Variants in CCDC170 observed in about 807,000 individuals in gnomAD.
CCDC170 encodes the protein coiled-coil domain containing 170.
Under a neutral mutation model 72.6 loss-of-function variants are expected in CCDC170, and 69 were observed. The ratio of observed to expected loss-of-function variants is 0.95; its 90% CI spans 0.78 to 1.16. The LOEUF (loss-of-function observed/expected upper bound fraction) is 1.16, where lower values mean the gene tolerates loss of function less well. CCDC170 is among the 50% of genes most tolerant of loss of function. The pLI is 0.00. For missense variants in CCDC170, 852 were observed against 832.5 expected, an observed-to-expected ratio of 1.02 and a Z score of -0.29; for synonymous variants, 300 against 303.9, an observed-to-expected ratio of 0.99 and a Z score of 0.13.
intron 1 of CCDC170, among the ~76,000 whole-genome samples, chr6:151,495,047 C>T (rs1003930516): frequency 2.0e-5 from 3 of 152,194 alleles, no homozygotes; most frequent in African/African-American, 4.8e-5. Context: ...AAGTTTTGGA[C>T]TTTTCCTACC....
At chr6:151,605,276 A>C (rs890331789) in intron 9 of CCDC170, among the ~76,000 whole-genome samples, 1 of 152,222 alleles carries the variant, frequency 6.6e-6, no homozygotes, top group Non-Finnish European at 1.5e-5. Flanking sequence ...AGGATGCCTC[A>C]AGCCTGTGTT....
chr6:151,524,383 G>C (rs1313608805), intron 1 of CCDC170, among the ~76,000 whole-genome samples: 1 of 152,078 alleles, frequency 6.6e-6, no homozygotes, highest in Non-Finnish European at 1.5e-5. Flanking sequence ...CTTCTACTTT[G>C]ACCATGCAGG....
chr6:151,565,147 C>T (rs1198131053), intron 5 of CCDC170, among the ~76,000 whole-genome samples: 3 of 152,148 alleles, frequency 2.0e-5, no homozygotes, highest in Non-Finnish European at 2.9e-5. Flanking sequence ...CCAGCTGAAG[C>T]AGCAGCTGCA....
chr6:151,526,095 T>C lies in CCDC170; in HGVS notation c.58-10223T>C, dbSNP rs71574098. ...TCCTTCCTTCCTTCCTTCCTTCCTT[T>C]CTTCCTTCCTTCCTTCCTTCCTTTC... On this transcript the variant is annotated intron_variant, in intron 1 of 10. Coordinates refer to ENST00000239374, the MANE Select transcript of CCDC170 (RefSeq NM_025059.4). 9.6e-3 allele frequency among the ~76,000 whole-genome samples: 1,396 copies of C among 145,732 alleles called. 40 individuals are homozygous for C. Among genetic ancestry groups the C allele is most frequent in the African/African-American group, 0.034 (1,271 of 37,450 alleles).
chr6:151,601,606 CTCTA>C (rs761588891), intron 9 of CCDC170, among the ~76,000 whole-genome samples: 2 of 152,106 alleles, frequency 1.3e-5, no homozygotes, highest in Non-Finnish European at 2.9e-5. Flanking sequence ...TCAATCATCT[CTCTA>C]TCTATATAGA....
intron 9 of CCDC170, among the ~76,000 whole-genome samples, chr6:151,613,025 A>G (rs562382752): frequency 3.3e-5 from 5 of 152,122 alleles, no homozygotes; most frequent in Non-Finnish European, 7.4e-5. Context: ...AGGTTAATTT[A>G]TTTTGATCCT....
chr6:151,603,007 G>A (rs1241140923), intron 9 of CCDC170, among the ~76,000 whole-genome samples: 1 of 151,972 alleles, frequency 6.6e-6, no homozygotes, highest in South Asian at 2.1e-4. Context: ...CACCATGTTG[G>A]CCAGGCTGGT....
intron 6 of CCDC170, among the ~76,000 whole-genome samples, chr6:151,580,439 C>T (rs1332444611): frequency 2.0e-5 from 3 of 152,058 alleles, no homozygotes; most frequent in Non-Finnish European, 2.9e-5. Flanking sequence ...CCAAGATAAA[C>T]ACTGTTTCTC....
At chr6:151,514,696 A>G (rs1782210336) in intron 1 of CCDC170, among the ~76,000 whole-genome samples, 1 of 152,176 alleles carries the variant, frequency 6.6e-6, no homozygotes, top group Admixed American at 6.5e-5. Flanking sequence ...TACCTTGTCT[A>G]TCGTGGGCAG....
intron 3 of CCDC170, among the ~76,000 whole-genome samples, chr6:151,544,195 C>T (rs1171750240): frequency 6.6e-6 from 1 of 152,160 alleles, no homozygotes; most frequent in African/African-American, 2.4e-5. Flanking sequence ...GTAGCACTCT[C>T]CTTCCCCATG....
At chr6:151,572,785 G>A (rs1265805215) in intron 5 of CCDC170, among the ~76,000 whole-genome samples, 1 of 151,540 alleles carries the variant, frequency 6.6e-6, no homozygotes, top group Admixed American at 6.6e-5. Flanking sequence ...GAGTAGCTGG[G>A]ATTACAGGTG....
rs180948628 is a variant in CCDC170, at chr6:151,525,014, A to C, written c.58-11304A>C. 7.3e-4 allele frequency among the ~76,000 whole-genome samples: 106 copies of C among 145,626 alleles called. 1 individual carries two copies. The East Asian group carries it at 0.019, about 26-fold the overall frequency. ...GTGGTGCAATCTCGGCTCACTGCAA[A>C]CTCCGCCTCCCAGGTTCACGCCATT... On this transcript the variant is annotated intron_variant, in intron 1 of 10. Transcript: ENST00000239374.
At chr6:151,551,206 T>A (rs1447314466) in intron 5 of CCDC170, among the ~76,000 whole-genome samples, 1 of 152,170 alleles carries the variant, frequency 6.6e-6, no homozygotes, top group Admixed American at 6.5e-5. Flanking sequence ...TTATTGTTTA[T>A]TTATTGTTAC....
intron 1 of CCDC170, among the ~76,000 whole-genome samples, chr6:151,527,539 C>A (rs896246257): frequency 2.0e-5 from 3 of 152,110 alleles, no homozygotes; most frequent in African/African-American, 7.2e-5. Flanking sequence ...AGAAATGCAA[C>A]TTTCAAGACT....
At chr6:151,529,214 T>A (rs1028026110) in intron 1 of CCDC170, among the ~76,000 whole-genome samples, 4 of 152,236 alleles carry the variant, frequency 2.6e-5, no homozygotes, top group Non-Finnish European at 5.9e-5. Flanking sequence ...TTCAGTGATG[T>A]CTTAAGGATA....
intron 4 of CCDC170, among the ~76,000 whole-genome samples, chr6:151,545,899 G>A (rs1782763358): frequency 6.6e-6 from 1 of 151,772 alleles, no homozygotes; most frequent in African/African-American, 2.4e-5. Flanking sequence ...CTCCTGAAGT[G>A]CTGTGAGTAC....
rs560012559 is a variant in CCDC170 at position 151,581,943 on chromosome 6, GA to G, written c.1093-3944del. Among the ~76,000 whole-genome samples the G allele has an allele frequency of 1.6e-4, 25 of 152,308 alleles. No individual in the cohort carries two copies. In the South Asian group the frequency reaches 5.0e-3, roughly 30 times the overall value. ...TGAAATATTCAGTAAAACTTGATGT[GA>G]ACAGATGTGCTGTCATCCAGCTTTG... On this transcript the variant is annotated intron_variant, in intron 6 of 10. Coordinates refer to ENST00000239374, the MANE Select transcript of CCDC170 (RefSeq NM_025059.4).
chr6:151,558,950 G>A lies in CCDC170; in HGVS notation c.774+10461G>A, dbSNP rs563075098. On this transcript the variant is annotated intron_variant, in intron 5 of 10. Transcript: ENST00000239374. The stretch of plus-strand genomic sequence containing the variant: ...GAAAAATAATATTAATGTTTCGACA[G>A]GGATTACAGTTAATCTGTAGACTGC... Among the ~76,000 whole-genome samples the A allele has an allele frequency of 4.0e-5, 6 of 151,754 alleles. No individual in the cohort carries two copies. The South Asian group carries it at 8.3e-4, about 21-fold the overall frequency.
chr6:151,609,898 A>G (rs1467425575), intron 9 of CCDC170, among the ~76,000 whole-genome samples: 2 of 152,222 alleles, frequency 1.3e-5, no homozygotes, highest in African/African-American at 4.8e-5. Context: ...GATTCTTGGC[A>G]ACAAATTCTT....
Sources: allele counts gnomAD v4.1 joint callset (sites outside exome capture counted in the v4.1 genomes callset), GRCh38; gene constraint gnomAD v4.1.1; transcripts MANE v1.5; gene names NCBI Gene and HGNC (gene_info 2026-07-23, HGNC 2026-07-21).